The following ESRRG variants were observed in gnomAD, a reference collection of about 807,000 sequenced individuals.
The protein encoded by ESRRG is estrogen related receptor gamma.
Under a neutral mutation model 44.0 loss-of-function variants are expected in ESRRG, and 13 were observed. The observed-to-expected ratio is 0.30, with a 90% CI of 0.19 to 0.47. ESRRG has a LOEUF of 0.47. Among genes scored for constraint, ESRRG ranks in the 20% least tolerant of loss-of-function variants. The pLI is 1.00. For synonymous variants in ESRRG, 215 were observed against 214.6 expected, an observed-to-expected ratio of 1.00 and a Z score of -0.02; for missense variants, 395 against 580.6, an observed-to-expected ratio of 0.68 and a Z score of 3.29.
intron 2 of ESRRG, among the ~76,000 whole-genome samples, chr1:216,933,822 T>G (rs1466001166): frequency 6.6e-6 from 1 of 152,146 alleles, no homozygotes; most frequent in Non-Finnish European, 1.5e-5. Context: ...CTTCAAGAGC[T>G]CTGCACTTGT....
chr1:216,568,221 G>C (rs1256413483), intron 3 of ESRRG, 123 bp from the exon 4 acceptor site: 3 of 697,904 alleles, frequency 4.3e-6, no homozygotes, highest in African/African-American at 3.5e-5. Flanking sequence ...AATGGACCAG[G>C]GGTACTCAAA....
rs994908917 is a variant in ESRRG, at chr1:216,935,435, T to C, written c.-14+4147A>G. ...TGCTTGTACTGGTTTATTATATTTA[T>C]AAGGGATATTATAAAGAATACAGAT... On this transcript the variant is annotated intron_variant, in intron 2 of 7. Transcript: ENST00000359162. 2.6e-5 allele frequency among the ~76,000 whole-genome samples: 4 copies of C among 152,110 alleles called. No individual in the cohort carries two copies. The East Asian group carries it at 7.7e-4, about 29-fold the overall frequency.
At chr1:216,812,389 A>G (rs2095000410) in intron 2 of ESRRG, among the ~76,000 whole-genome samples, 1 of 152,122 alleles carries the variant, frequency 6.6e-6, no homozygotes, top group Non-Finnish European at 1.5e-5. Flanking sequence ...CAACCACTCA[A>G]TGGGTAATTT....
chr1:216,580,397 GA>G (rs1053194957), intron 3 of ESRRG, among the ~76,000 whole-genome samples: 4 of 151,258 alleles, frequency 2.6e-5, no homozygotes, highest in Non-Finnish European at 4.4e-5. Flanking sequence ...AAGCATTGAA[GA>G]AAAAAAAGGA....
chr1:216,723,338 A>G lies in ESRRG; in HGVS notation c.-39T>C. The G allele has an allele frequency of 6.2e-7, 1 of 1,603,762 alleles. No individual in the cohort carries two copies. The highest frequency in any genetic ancestry group is 1.1e-5 in the South Asian group (1 of 90,872). ...CCATTATTTGTGCACCCCAGCTATA[A>G]ATCAAAGTTTCCTTGACAGAGCACA... On this transcript the variant is annotated 5_prime_UTR_variant, in exon 1 of 7. Coordinates refer to ENST00000408911, the MANE Select transcript of ESRRG (RefSeq NM_001438.4).
chr1:216,885,950 C>A (rs912789869), intron 2 of ESRRG, among the ~76,000 whole-genome samples: 1 of 152,028 alleles, frequency 6.6e-6, no homozygotes, highest in South Asian at 2.1e-4. Flanking sequence ...TTCTTAGAAC[C>A]TCTAGCCTGT....
At chr1:216,972,831 A>T (rs749996228) in intron 1 of ESRRG, among the ~76,000 whole-genome samples, 5 of 152,210 alleles carry the variant, frequency 3.3e-5, no homozygotes, top group Non-Finnish European at 2.9e-5. Flanking sequence ...TTTAAAGTAC[A>T]GTGCAGGTGC....
intron 1 of ESRRG, among the ~76,000 whole-genome samples, chr1:217,110,302 C>G (rs540337281): frequency 3.3e-5 from 5 of 152,108 alleles, no homozygotes; most frequent in African/African-American, 1.2e-4. Context: ...CTTTAAATCA[C>G]CTAAAGTTGC....
At chr1:216,765,014 C>A (rs1334006164) in intron 2 of ESRRG, among the ~76,000 whole-genome samples, 1 of 152,000 alleles carries the variant, frequency 6.6e-6, no homozygotes, top group African/African-American at 2.4e-5. Context: ...TTGGTGAGGG[C>A]CGGGGGCAGT....
At chr1:216,817,085 G>A (rs1418852940) in intron 2 of ESRRG, among the ~76,000 whole-genome samples, 4 of 151,398 alleles carry the variant, frequency 2.6e-5, no homozygotes, top group African/African-American at 2.4e-5. Flanking sequence ...CAGGTTTTGT[G>A]GGTCAATATG....
intron 5 of ESRRG, among the ~76,000 whole-genome samples, chr1:216,536,981 G>T (rs573878730): frequency 2.0e-5 from 3 of 152,036 alleles, no homozygotes; most frequent in South Asian, 2.1e-4. Context: ...GGGAGAGGGG[G>T]TCAAGGAAAG....
intron 3 of ESRRG, among the ~76,000 whole-genome samples, chr1:216,597,039 C>T (rs1215789714): frequency 6.6e-6 from 1 of 152,054 alleles, no homozygotes; most frequent in African/African-American, 2.4e-5. Context: ...ATTTCCCTAT[C>T]CAATAATAAT....
chr1:217,093,472 A>AC (rs1398992841), upstream of ESRRG, among the ~76,000 whole-genome samples: 1 of 151,850 alleles, frequency 6.6e-6, no homozygotes, highest in Non-Finnish European at 1.5e-5. Context: ...TCAGGAAAAA[A>AC]AAAATCCATG....
At chr1:216,950,794 TC>T (rs2066830632) in intron 1 of ESRRG, among the ~76,000 whole-genome samples, 1 of 152,318 alleles carries the variant, frequency 6.6e-6, no homozygotes, top group East Asian at 1.9e-4. Flanking sequence ...CTTAGTTGTA[TC>T]CCTGTTCTGA....
At chr1:216,946,758 C>T (rs570037033) in intron 1 of ESRRG, among the ~76,000 whole-genome samples, 8 of 151,882 alleles carry the variant, frequency 5.3e-5, no homozygotes, top group South Asian at 2.1e-4. Context: ...CCTCTGTCAC[C>T]ACGGCTGGAG....
intron 2 of ESRRG, among the ~76,000 whole-genome samples, chr1:216,877,265 C>T (rs2096369841): frequency 6.6e-6 from 1 of 151,986 alleles, no homozygotes; most frequent in African/African-American, 2.4e-5. Context: ...CTGTGCAAGA[C>T]TCATCTCATG....
intron 3 of ESRRG, among the ~76,000 whole-genome samples, chr1:216,591,102 C>G (rs537376051): frequency 1.6e-4 from 24 of 152,080 alleles, no homozygotes; most frequent in Non-Finnish European, 2.9e-5. Context: ...TTGGCAGGCC[C>G]CCAGATAGCT....
At chr1:216,542,106 G>T (rs1245040410) in intron 5 of ESRRG, among the ~76,000 whole-genome samples, 2 of 149,398 alleles carry the variant, frequency 1.3e-5, no homozygotes, top group Non-Finnish European at 3.0e-5. Flanking sequence ...GAGAGAGAGA[G>T]AGAGATAGAA....
intron 2 of ESRRG, among the ~76,000 whole-genome samples, chr1:216,924,550 G>A (rs963215260): frequency 7.2e-5 from 11 of 152,226 alleles, no homozygotes; most frequent in African/African-American, 2.4e-4. Flanking sequence ...AGCCTAGAAG[G>A]AAAATCCACA....
Sources: gnomAD v4.1 joint callset for allele counts (sites outside exome capture counted in the v4.1 genomes callset) on GRCh38, gnomAD v4.1.1 for gene constraint, MANE v1.5 for transcripts, NCBI Gene and HGNC (gene_info 2026-07-23, HGNC 2026-07-21) for gene names.